NPC1: variants seen among roughly 807,000 people sequenced by gnomAD.
NPC1 encodes NPC intracellular cholesterol transporter 1.
A neutral mutation model predicts 140.4 loss-of-function variants in NPC1; 85 were observed. That is an observed-to-expected ratio of 0.61 (90% CI 0.51 to 0.72). NPC1 has a LOEUF of 0.72. NPC1 is among the 30% of genes least tolerant of loss of function. NPC1 has a pLI of 0.00. For missense variants in NPC1, 1,504 were observed against 1,623.8 expected (o/e 0.93, Z 1.27); for synonymous variants, 656 against 624.8 (o/e 1.05, Z -0.74).
chr18:23,564,758 G>A (rs1301274192), intron 4 of NPC1, among the ~76,000 whole-genome samples: 2 of 152,174 alleles, frequency 1.3e-5, no homozygotes, highest in Non-Finnish European at 2.9e-5. Flanking sequence ...ATGAGGCCAT[G>A]CAAATTAATC....
At chr18:23,523,885 A>G (rs1204133125) in intron 1 of NPC1, among the ~76,000 whole-genome samples, 1 of 152,118 alleles carries the variant, frequency 6.6e-6, no homozygotes, top group Non-Finnish European at 1.5e-5. Context: ...AATAACCCAA[A>G]CCACAGTGAT....
downstream of NPC1, among the ~76,000 whole-genome samples, chr18:23,526,453 G>A (rs986373142): frequency 6.6e-6 from 1 of 152,100 alleles, no homozygotes; most frequent in Non-Finnish European, 1.5e-5. Flanking sequence ...TGGTAGACAC[G>A]CTCCTGAATT....
chr18:23,534,704 C>G, intron 22 of NPC1, 145 bp from the exon 23 acceptor site: 2 of 711,308 alleles, frequency 2.8e-6, no homozygotes, highest in South Asian at 3.0e-5. Flanking sequence ...ACAAGGCCTC[C>G]ATCACACCAA....
chr18:23,574,445 TA>T (rs11377814), intron 1 of NPC1, among the ~76,000 whole-genome samples: 41 of 146,522 alleles, frequency 2.8e-4, no homozygotes, highest in South Asian at 6.5e-4. Flanking sequence ...GGGAAAGCCA[TA>T]AAAAAAAAAC....
At chr18:23,573,298 TG>T (rs3214582) in intron 2 of NPC1, among the ~76,000 whole-genome samples, 153 bp downstream of exon 2, 1 of 152,348 alleles carries the variant, frequency 6.6e-6, no homozygotes, top group East Asian at 1.9e-4. Flanking sequence ...TTCTCTGCAC[TG>T]TATGCCACAG....
At chr18:23,562,440 T>A (rs1463688916) in intron 4 of NPC1, among the ~76,000 whole-genome samples, 1 of 152,070 alleles carries the variant, frequency 6.6e-6, no homozygotes, top group Non-Finnish European at 1.5e-5. Context: ...TACTGTCGAT[T>A]CTCATTTACC....
chr18:23,557,904 G>A (rs2058978431), intron 6 of NPC1, among the ~76,000 whole-genome samples: 1 of 152,228 alleles, frequency 6.6e-6, no homozygotes, highest in Admixed American at 6.5e-5. Context: ...GGGATGGGAG[G>A]TGTATGTAAG....
At chr18:23,548,142 T>C in intron 10 of NPC1, 34 bp from the exon 11 acceptor site, 1 of 1,290,692 alleles carries the variant, frequency 7.7e-7, no homozygotes, top group Non-Finnish European at 1.1e-6. Flanking sequence ...AAAAAGCAGA[T>C]TACAAGCATG....
intron 4 of NPC1, among the ~76,000 whole-genome samples, chr18:23,568,583 T>C (rs1445938502): frequency 3.3e-5 from 5 of 152,206 alleles, no homozygotes; most frequent in African/African-American, 9.7e-5. Flanking sequence ...AACTTGCACA[T>C]ACTAAAATTT....
Position 23,573,564 on chromosome 18 carries a change from T to C in NPC1, c.68A>G (p.Gln23Arg). ...ACACTCTCCATACCAAACACAGGAC[T>C]GTGAAAACACCTACAGAAAGTCAAC... ...LLLCPAQVFSQSCVWYGECGI... is the reference protein window; with the variant it reads ...LLLCPAQVFSRSCVWYGECGI... Residue 23 changes from glutamine (Q) to arginine (R), a missense_variant, in exon 2 of 25, where the codon CAG becomes CGG. Gln to Arg is a conservative substitution (Grantham distance 43). Coordinates refer to ENST00000269228, the MANE Select transcript of NPC1 (RefSeq NM_000271.5). The C allele has an allele frequency of 6.2e-7, 1 of 1,614,184 alleles. No homozygotes were observed. Among genetic ancestry groups the C allele is most frequent in the Non-Finnish European group, 8.5e-7 (1 of 1,180,006 alleles).
At chr18:23,511,123 A>G (rs2057846736) in intron 3 of NPC1, among the ~76,000 whole-genome samples, 1 of 152,268 alleles carries the variant, frequency 6.6e-6, no homozygotes, top group Non-Finnish European at 1.5e-5. Context: ...TGGTACATAT[A>G]TACCATGGAA....
intron 1 of NPC1, among the ~76,000 whole-genome samples, chr18:23,583,181 G>A (rs2059377644): frequency 6.6e-6 from 1 of 150,898 alleles, no homozygotes; most frequent in Non-Finnish European, 1.5e-5. Flanking sequence ...GAGAGCAACA[G>A]TTATTGCTCT....
chr18:23,517,570 C>T (rs1169337472), downstream of NPC1, among the ~76,000 whole-genome samples: 1 of 152,208 alleles, frequency 6.6e-6, no homozygotes, highest in Admixed American at 6.5e-5. Flanking sequence ...TCTGATTCGA[C>T]AATAGTCAAA....
chr18:23,506,902 C>T (rs1007968490), intron 3 of NPC1: 3 of 1,092,036 alleles, frequency 2.7e-6, no homozygotes, highest in African/African-American at 1.6e-5. Flanking sequence ...GTGTCTTTTG[C>T]CTTTTCAATA....
chr18:23,514,585 A>G (rs1361572581), intron 3 of NPC1, among the ~76,000 whole-genome samples: 3 of 151,486 alleles, frequency 2.0e-5, no homozygotes, highest in Admixed American at 1.3e-4. Flanking sequence ...GTAATGACCA[A>G]TAGGAGAACT....
At chr18:23,532,749 T>G (rs2058555022) in intron 24 of NPC1, 1 of 245,934 alleles carries the variant, frequency 4.1e-6, no homozygotes, top group African/African-American at 2.4e-5. Flanking sequence ...GTAATAGAAC[T>G]ACTTTCTATC....
intron 3 of NPC1, chr18:23,515,764 C>A: frequency 1.3e-6 from 2 of 1,488,548 alleles, no homozygotes; most frequent in South Asian, 1.2e-5. Flanking sequence ...AACTCCTGAC[C>A]TCAGGTGATC....
Position 23,546,309 on chromosome 18 carries a change from C to T in NPC1, c.1758-1160G>A, listed in dbSNP as rs958585502. Among the ~76,000 whole-genome samples the T allele has an allele frequency of 7.1e-5, 9 of 126,768 alleles. 1 individual carries two copies. Among genetic ancestry groups the T allele is most frequent in the South Asian group, 5.4e-4 (2 of 3,728 alleles). 83.2% of individuals were successfully genotyped at this position (126,768 alleles called of 152,430 possible). A position where few individuals can be genotyped will look rare whatever the true frequency, so the allele number is the denominator to read the frequency against. On this transcript the variant is annotated intron_variant, in intron 11 of 24. Transcript: ENST00000269228. ...CATTCAGTCTACTAAATCAAAACCA[C>T]AATGAGATACCACTTCACACCCATG...
chr18:23,555,362 CTCCTGCCTTGCTCTGCACTACAGCCA>C (rs1385408074), intron 8 of NPC1, among the ~76,000 whole-genome samples: 1 of 152,252 alleles, frequency 6.6e-6, no homozygotes, highest in African/African-American at 2.4e-5. Flanking sequence ...AACACATAAC[CTCCTGCCTTGCTCTGCACTACAGCCA>C]TTTATATATG....
Sources: gnomAD v4.1 joint callset for allele counts (sites outside exome capture counted in the v4.1 genomes callset) on GRCh38, gnomAD v4.1.1 for gene constraint, MANE v1.5 for transcripts, NCBI Gene and HGNC (gene_info 2026-07-23, HGNC 2026-07-21) for gene names.